The following CSMD1 variants were observed in gnomAD, a reference collection of about 807,000 sequenced individuals.
CSMD1 encodes the protein CUB and Sushi multiple domains 1.
CSMD1 carries 213 observed loss-of-function variants against 417.5 expected under a neutral mutation model. The ratio of observed to expected loss-of-function variants is 0.51; its 90% CI spans 0.46 to 0.57. The LOEUF (loss-of-function observed/expected upper bound fraction) is 0.57. CSMD1 is among the 20% of genes least tolerant of loss of function. The pLI is 0.00. For synonymous variants in CSMD1, 2,862 were observed against 1,736.8 expected (o/e 1.65, Z -16.11); for missense variants, 6,923 against 4,529.7 (o/e 1.53, Z -15.17).
chr8:4,945,757 G>C (rs559464210), intron 1 of CSMD1, among the ~76,000 whole-genome samples: 22 of 152,178 alleles, frequency 1.4e-4, no homozygotes, highest in Non-Finnish European at 2.9e-4. Flanking sequence ...ATGCCACCTG[G>C]AGAAGATGAT....
chr8:3,459,968 C>A (rs1875070), intron 12 of CSMD1, among the ~76,000 whole-genome samples: 56,094 of 152,014 alleles, frequency 0.37, 10,703 homozygotes, highest in Middle Eastern at 0.41. Context: ...CTGGCTAAGA[C>A]ACTCACTCAC....
chr8:4,795,936 T>A (rs1797958605), intron 1 of CSMD1, among the ~76,000 whole-genome samples: 1 of 152,220 alleles, frequency 6.6e-6, no homozygotes, highest in South Asian at 2.1e-4. Context: ...CAAGGCTTTT[T>A]AAGCCATCAC....
At chr8:4,061,916 T>C (rs1798991573) in intron 3 of CSMD1, among the ~76,000 whole-genome samples, 4 of 152,162 alleles carry the variant, frequency 2.6e-5, no homozygotes, top group Admixed American at 6.6e-5. Context: ...AATAAATCAA[T>C]TATGCATTAC....
rs150224305 is a variant in CSMD1 at position 4,523,936 on chromosome 8, C to A, written c.303-103871G>T. ...CTAATCAGCTCTGCTCCTCAATGCT[C>A]TGTGAAAGTCCAGGTGTTTCCCCAG... is the stretch of plus-strand genomic sequence containing the variant. On this transcript the variant is annotated intron_variant, in intron 2 of 69. Transcript: ENST00000635120. Among the ~76,000 whole-genome samples the A allele has an allele frequency of 4.2e-3, 645 of 152,236 alleles. 7 individuals carry two copies. The highest frequency in any genetic ancestry group is 0.015 in the African/African-American group (612 of 41,538).
intron 10 of CSMD1, among the ~76,000 whole-genome samples, chr8:3,542,815 G>C (rs1240858600): frequency 7.9e-5 from 12 of 152,180 alleles, no homozygotes; most frequent in Non-Finnish European, 1.5e-5. Context: ...CTTTAGCTAA[G>C]CAAGATCCAT....
At chr8:3,999,389 C>T (rs1261493688) in intron 4 of CSMD1, among the ~76,000 whole-genome samples, 2 of 152,190 alleles carry the variant, frequency 1.3e-5, no homozygotes, top group Non-Finnish European at 2.9e-5. Context: ...GAGGAAATGA[C>T]CTCCTTTTAT....
intron 50 of CSMD1, among the ~76,000 whole-genome samples, chr8:3,048,357 A>C: frequency 6.6e-6 from 1 of 152,224 alleles, no homozygotes; most frequent in East Asian, 1.9e-4. Context: ...GGAGGTAAGA[A>C]GACATTATGT....
At chr8:4,150,455 G>C (rs1278123126) in intron 3 of CSMD1, among the ~76,000 whole-genome samples, 1 of 152,086 alleles carries the variant, frequency 6.6e-6, no homozygotes, top group African/African-American at 2.4e-5. Flanking sequence ...CCTTTTACCG[G>C]GGCTTAGAAC....
intron 3 of CSMD1, among the ~76,000 whole-genome samples, chr8:4,156,344 C>G (rs1796833377): frequency 6.6e-6 from 1 of 152,134 alleles, no homozygotes; most frequent in Non-Finnish European, 1.5e-5. Flanking sequence ...TTTATGTTCT[C>G]TCTGGTTTTG....
intron 3 of CSMD1, among the ~76,000 whole-genome samples, chr8:4,369,628 T>G (rs911759464): frequency 2.6e-5 from 4 of 152,232 alleles, no homozygotes; most frequent in East Asian, 1.9e-4. Flanking sequence ...TGCTCCCACG[T>G]TGAGTGACTT....
chr8:3,464,586 A>T (rs933823609), intron 12 of CSMD1, among the ~76,000 whole-genome samples: 1 of 149,736 alleles, frequency 6.7e-6, no homozygotes, highest in Non-Finnish European at 1.5e-5. Flanking sequence ...ATAAATATAT[A>T]AATAAATGAT....
chr8:3,407,795 C>G (rs1052993054), intron 14 of CSMD1, 104 bp downstream of exon 14: 8 of 967,372 alleles, frequency 8.3e-6, no homozygotes, highest in South Asian at 7.1e-5. Flanking sequence ...TATAAAACCT[C>G]TGAAGTATCA....
At chr8:3,562,359 G>GAC (rs1039347065) in intron 10 of CSMD1, among the ~76,000 whole-genome samples, 23 of 73,100 alleles carry the variant, frequency 3.1e-4, no homozygotes, top group African/African-American at 1.4e-3. Context: ...TTGCTAATGG[G>GAC]ACACACACAC....
intron 3 of CSMD1, among the ~76,000 whole-genome samples, chr8:4,074,247 A>G (rs1799707070): frequency 6.6e-6 from 1 of 152,092 alleles, no homozygotes; most frequent in Admixed American, 6.5e-5. Context: ...AGAGAAAGCA[A>G]AAACAAATTG....
chr8:4,940,496 G>C (rs138128437), intron 1 of CSMD1, among the ~76,000 whole-genome samples: 254 of 152,272 alleles, frequency 1.7e-3, no homozygotes, highest in Non-Finnish European at 2.8e-3. Context: ...CACTTTGTTT[G>C]CTAACCTAGG....
intron 54 of CSMD1, among the ~76,000 whole-genome samples, chr8:2,993,584 T>C (rs1806604083): frequency 6.6e-6 from 1 of 152,048 alleles, no homozygotes; most frequent in African/African-American, 2.4e-5. Context: ...CTTTTTTTCA[T>C]CAAAAGCAAG....
chr8:3,787,376 A>C (rs955057637), intron 5 of CSMD1, among the ~76,000 whole-genome samples: 1 of 152,230 alleles, frequency 6.6e-6, no homozygotes, highest in Admixed American at 6.5e-5. Flanking sequence ...AAATCAATTA[A>C]GTAAGCAGAT....
At position 4,216,817 on chromosome 8, in the gene CSMD1, A is replaced by G. The variant is rs117230315; in HGVS notation, c.416-184718T>C. Among the ~76,000 whole-genome samples, 646 of 152,264 alleles carry G rather than the reference A, an allele frequency of 4.2e-3. 5 individuals are homozygous for G. The highest frequency in any genetic ancestry group is 7.3e-3 in the Non-Finnish European group (498 of 68,004). On this transcript the variant is annotated intron_variant, in intron 3 of 69. Coordinates refer to ENST00000635120, the MANE Select transcript of CSMD1 (RefSeq NM_033225.6). ...AAATTACACACAGAATTCCAACACA[A>G]GAAAGAGGTAAACATGAGGATGGGG... is the stretch of plus-strand genomic sequence containing the variant.
At chr8:4,289,032 AC>A (rs1476899477) in intron 3 of CSMD1, among the ~76,000 whole-genome samples, 1 of 152,216 alleles carries the variant, frequency 6.6e-6, no homozygotes, top group Non-Finnish European at 1.5e-5. Flanking sequence ...TCAAGCAATG[AC>A]TGTCATAATG....
Sources: allele counts gnomAD v4.1 joint callset (sites outside exome capture counted in the v4.1 genomes callset), GRCh38; gene constraint gnomAD v4.1.1; transcripts MANE v1.5; gene names NCBI Gene and HGNC (gene_info 2026-07-23, HGNC 2026-07-21).